LRRIQ3: variants seen among roughly 807,000 people sequenced by gnomAD.
LRRIQ3 encodes the protein leucine-rich repeat and IQ domain-containing protein 3.
A neutral mutation model predicts 59.3 loss-of-function variants in LRRIQ3; 75 were observed. The ratio of observed to expected loss-of-function variants is 1.26; its 90% CI spans 1.05 to 1.53. The LOEUF (loss-of-function observed/expected upper bound fraction) is 1.53, where lower values mean the gene tolerates loss of function less well. Among genes scored for constraint, LRRIQ3 ranks in the 40% most tolerant of loss-of-function variants. The probability of loss-of-function intolerance (pLI) is 0.00; values close to 1 mark genes in which losing one functional copy is unlikely to be tolerated. For missense variants in LRRIQ3, 831 were observed against 710.0 expected, an observed-to-expected ratio of 1.17 and a Z score of -1.94; for synonymous variants, 250 against 231.3, an observed-to-expected ratio of 1.08 and a Z score of -0.73.
intron 4 of LRRIQ3, among the ~76,000 whole-genome samples, chr1:74,142,663 C>T (rs763369703): frequency 3.3e-5 from 5 of 151,948 alleles, no homozygotes; most frequent in African/African-American, 4.8e-5. Flanking sequence ...GGAATGGCCA[C>T]AAATGCTTGC....
At chr1:74,045,880 C>T (rs1323291708) in intron 6 of LRRIQ3, among the ~76,000 whole-genome samples, 4 of 152,054 alleles carry the variant, frequency 2.6e-5, no homozygotes, top group African/African-American at 9.7e-5. Context: ...GAATAAAATA[C>T]CTAGGAGTAC....
chr1:74,040,306 C>T (rs377026615), intron 7 of LRRIQ3, among the ~76,000 whole-genome samples: 1 of 152,194 alleles, frequency 6.6e-6, no homozygotes, highest in Non-Finnish European at 1.5e-5. Flanking sequence ...TCTTAGAGAC[C>T]TACAAAGAGA....
intron 5 of LRRIQ3, among the ~76,000 whole-genome samples, chr1:74,103,223 C>G (rs1418050551): frequency 6.6e-6 from 1 of 151,932 alleles, no homozygotes; most frequent in African/African-American, 2.4e-5. Flanking sequence ...ATAAAATCAA[C>G]CTCTGCCCAG....
chr1:74,064,326 C>T (rs1346476735), intron 6 of LRRIQ3, among the ~76,000 whole-genome samples: 1 of 151,788 alleles, frequency 6.6e-6, no homozygotes, highest in African/African-American at 2.4e-5. Flanking sequence ...CACCTGCCTC[C>T]TTTATGCTGT....
intron 6 of LRRIQ3, among the ~76,000 whole-genome samples, chr1:74,042,933 G>C (rs1385162012): frequency 6.6e-6 from 1 of 152,034 alleles, no homozygotes; most frequent in Non-Finnish European, 1.5e-5. Context: ...GGAACCATAA[G>C]ATAGAAGCTG....
At chr1:74,031,402 C>T (rs1472508322) in intron 7 of LRRIQ3, among the ~76,000 whole-genome samples, 2 of 152,018 alleles carry the variant, frequency 1.3e-5, no homozygotes, top group Non-Finnish European at 2.9e-5. Context: ...GAAAATGTGG[C>T]ACATATACAC....
Position 74,128,631 on chromosome 1 carries a change from T to A in LRRIQ3, c.708-19078A>T, listed in dbSNP as rs576340835. ...TTTAGGTTGTTTGGTGAGGTCATGTTTTCCTGGATAGTCTTGATGCTTGTG... is the reference window on the plus strand; with the variant it reads ...TTTAGGTTGTTTGGTGAGGTCATGTATTCCTGGATAGTCTTGATGCTTGTG... On this transcript the variant is annotated intron_variant, in intron 4 of 7. Coordinates refer to ENST00000354431, the MANE Select transcript of LRRIQ3 (RefSeq NM_001105659.2). 5.3e-5 allele frequency among the ~76,000 whole-genome samples: 8 copies of A among 152,234 alleles called. No individual in the cohort carries two copies. The South Asian group carries it at 1.7e-3, about 32-fold the overall frequency.
intron 5 of LRRIQ3, among the ~76,000 whole-genome samples, chr1:74,088,685 T>G (rs989775292): frequency 1.1e-4 from 17 of 151,676 alleles, no homozygotes; most frequent in African/African-American, 3.6e-4. Context: ...AGATTATAGG[T>G]CTAAATATAA....
chr1:74,060,240 T>C (rs12737016), intron 6 of LRRIQ3, among the ~76,000 whole-genome samples: 4 of 115,344 alleles, frequency 3.5e-5, no homozygotes, highest in Non-Finnish European at 5.8e-5. Context: ...CTTCTTCTTC[T>C]TCTTCTTCTT....
chr1:74,155,666 A>G (rs1040450144), intron 4 of LRRIQ3, 67 bp downstream of exon 4: 4 of 1,415,370 alleles, frequency 2.8e-6, no homozygotes, highest in Admixed American at 2.6e-5. Flanking sequence ...TGGAGAATTG[A>G]CTTCTTATCA....
chr1:74,122,060 T>TTA (rs1264186146), intron 4 of LRRIQ3, among the ~76,000 whole-genome samples: 1 of 152,106 alleles, frequency 6.6e-6, no homozygotes, highest in Non-Finnish European at 1.5e-5. Flanking sequence ...GCATGTGTCT[T>TTA]TATAGCAGCA....
intron 1 of LRRIQ3, among the ~76,000 whole-genome samples, chr1:74,190,738 A>G (rs1345530804): frequency 1.3e-5 from 2 of 152,064 alleles, no homozygotes; most frequent in Non-Finnish European, 2.9e-5. Flanking sequence ...ACTTCAGAAA[A>G]TCAAAGGTAA....
At chr1:74,166,966 T>C (rs1649027966) in intron 3 of LRRIQ3, among the ~76,000 whole-genome samples, 1 of 151,934 alleles carries the variant, frequency 6.6e-6, no homozygotes, top group Non-Finnish European at 1.5e-5. Context: ...CTGGCGTGGA[T>C]GTGGTGAAAA....
rs755409594 is a variant in LRRIQ3 at position 74,163,801 on chromosome 1, T to C, written c.574-7935A>G. The stretch of plus-strand genomic sequence containing the variant: ...GTATTGCAATTGCTGAATCATATGA[T>C]TATTCCATGTTTAGTTTTTTCAGAA... On this transcript the variant is annotated intron_variant, in intron 3 of 7. Transcript: ENST00000354431. Among the ~76,000 whole-genome samples the C allele has an allele frequency of 5.9e-5, 9 of 151,594 alleles. 1 individual carries two copies. Among genetic ancestry groups the C allele is most frequent in the Non-Finnish European group, 1.5e-5 (1 of 67,616 alleles).
chr1:74,132,453 G>C (rs1451837147), intron 4 of LRRIQ3, among the ~76,000 whole-genome samples: 1 of 152,072 alleles, frequency 6.6e-6, no homozygotes, highest in East Asian at 1.9e-4. Flanking sequence ...CGTGCTACCT[G>C]ACTTCAAACT....
intron 5 of LRRIQ3, chr1:74,083,348 C>G (rs1043636243): frequency 6.6e-6 from 1 of 151,692 alleles, no homozygotes; most frequent in East Asian, 1.9e-4. Flanking sequence ...TCCAATATTC[C>G]GGGGACTGGA....
chr1:74,197,842 A>G (rs906401986), intron 1 of LRRIQ3, among the ~76,000 whole-genome samples, 154 bp downstream of exon 1: 4 of 152,206 alleles, frequency 2.6e-5, no homozygotes, highest in Non-Finnish European at 4.4e-5. Flanking sequence ...GAGATCTTCT[A>G]TCAGGCTATC....
intron 4 of LRRIQ3, among the ~76,000 whole-genome samples, chr1:74,134,093 T>C (rs1200354924): frequency 6.6e-6 from 1 of 151,988 alleles, no homozygotes; most frequent in African/African-American, 2.4e-5. Context: ...GTATCTGATC[T>C]TCAAAAATTA....
At chr1:74,101,109 G>C (rs1408254329) in intron 5 of LRRIQ3, among the ~76,000 whole-genome samples, 1 of 152,124 alleles carries the variant, frequency 6.6e-6, no homozygotes, top group Non-Finnish European at 1.5e-5. Flanking sequence ...ACTACCATCA[G>C]AGTGAACAGG....
Sources: gnomAD v4.1 joint callset for allele counts (sites outside exome capture counted in the v4.1 genomes callset) on GRCh38, gnomAD v4.1.1 for gene constraint, MANE v1.5 for transcripts, NCBI Gene and HGNC (gene_info 2026-07-23, HGNC 2026-07-21) for gene names.